TTC39B: variants seen among roughly 807,000 people sequenced by gnomAD.
TTC39B encodes tetratricopeptide repeat domain 39B, also known as tetratricopeptide repeat protein 39B.
A neutral mutation model predicts 96.6 loss-of-function variants in TTC39B; 92 were observed. The ratio of observed to expected loss-of-function variants is 0.95; its 90% CI spans 0.80 to 1.13. The LOEUF is 1.13. Ranked by LOEUF, TTC39B falls within the 50% of genes most tolerant of loss-of-function variation. The pLI is 0.00. For missense variants in TTC39B, 955 were observed against 809.3 expected (o/e 1.18, Z -2.18); for synonymous variants, 367 against 299.4 (o/e 1.23, Z -2.33).
intron 3 of TTC39B, among the ~76,000 whole-genome samples, chr9:15,215,761 G>A (rs1442835522): frequency 3.9e-5 from 6 of 152,014 alleles, no homozygotes; most frequent in Non-Finnish European, 8.8e-5. Flanking sequence ...CTACTCAGGA[G>A]GCTGAGGCAG....
intron 6 of TTC39B, among the ~76,000 whole-genome samples, chr9:15,209,203 C>G (rs1292620231): frequency 6.6e-6 from 1 of 151,856 alleles, no homozygotes; most frequent in African/African-American, 2.4e-5. Context: ...ATGCTCCTTT[C>G]TTGTAAACTA....
intron 2 of TTC39B, among the ~76,000 whole-genome samples, chr9:15,232,808 G>A (rs965786071): frequency 2.0e-5 from 3 of 152,188 alleles, no homozygotes; most frequent in African/African-American, 4.8e-5. Context: ...GGCTAACGGC[G>A]ACGTAGCTGG....
intron 1 of TTC39B, among the ~76,000 whole-genome samples, chr9:15,302,975 C>G (rs1162561640): frequency 6.6e-6 from 1 of 152,202 alleles, no homozygotes; most frequent in Admixed American, 6.5e-5. Flanking sequence ...CGAGACCATC[C>G]TGGCCAACAT....
intron 1 of TTC39B, among the ~76,000 whole-genome samples, chr9:15,304,225 C>A (rs938681506): frequency 1.3e-5 from 2 of 152,182 alleles, no homozygotes; most frequent in Non-Finnish European, 2.9e-5. Flanking sequence ...ACAGCCATCT[C>A]TACGTTATAA....
chr9:15,208,236 G>C (rs978141739), intron 6 of TTC39B, among the ~76,000 whole-genome samples: 2 of 151,588 alleles, frequency 1.3e-5, no homozygotes, highest in African/African-American at 4.8e-5. Flanking sequence ...TGTTGGCCAG[G>C]CTCGTCTGTA....
At chr9:15,233,962 C>A (rs1460812081) in intron 2 of TTC39B, among the ~76,000 whole-genome samples, 3 of 151,526 alleles carry the variant, frequency 2.0e-5, no homozygotes, top group Admixed American at 6.6e-5. Flanking sequence ...AGCGTCTCTG[C>A]CCCGCCGCCC....
intron 2 of TTC39B, among the ~76,000 whole-genome samples, chr9:15,266,695 T>C (rs1343001010): frequency 1.3e-5 from 2 of 152,096 alleles, no homozygotes; most frequent in Non-Finnish European, 2.9e-5. Flanking sequence ...CCCAATGTGA[T>C]GGAATTTAAA....
At chr9:15,199,539 T>C (rs4741476) in intron 8 of TTC39B, among the ~76,000 whole-genome samples, 98,635 of 150,632 alleles carry the variant, frequency 0.65, 32,709 homozygotes, top group East Asian at 0.88. Context: ...ATCGAGACCA[T>C]CCTGACTAAC....
intron 7 of TTC39B, among the ~76,000 whole-genome samples, chr9:15,203,464 T>C (rs1819661466): frequency 6.6e-6 from 1 of 151,666 alleles, no homozygotes; most frequent in African/African-American, 2.4e-5. Flanking sequence ...TTTCACCATG[T>C]TGGCCAGGCT....
chr9:15,292,293 G>C (rs1294098106), intron 1 of TTC39B, among the ~76,000 whole-genome samples: 2 of 152,180 alleles, frequency 1.3e-5, no homozygotes, highest in Non-Finnish European at 2.9e-5. Flanking sequence ...TTGGAGTGGA[G>C]CTAAAAAGTT....
At chr9:15,263,627 G>A (rs78248205) in intron 2 of TTC39B, among the ~76,000 whole-genome samples, 5,113 of 152,230 alleles carry the variant, frequency 0.034, 115 homozygotes, top group Non-Finnish European at 0.047. Flanking sequence ...CTCTCAGAAC[G>A]CTGTAAGGCA....
At chr9:15,176,539 C>T (rs1453306552) in intron 18 of TTC39B, among the ~76,000 whole-genome samples, 2 of 152,158 alleles carry the variant, frequency 1.3e-5, no homozygotes, top group South Asian at 2.1e-4. Flanking sequence ...TGACACAGAG[C>T]ACAGGATGTC....
intron 2 of TTC39B, among the ~76,000 whole-genome samples, chr9:15,227,932 T>C (rs150429384): frequency 6.6e-6 from 1 of 152,338 alleles, no homozygotes; most frequent in East Asian, 1.9e-4. Context: ...ACAAAGATTA[T>C]ATAACATAGT....
At chr9:15,190,479 G>T in intron 11 of TTC39B, 75 bp downstream of exon 11, 3 of 1,330,542 alleles carry the variant, frequency 2.3e-6, no homozygotes, top group South Asian at 1.2e-5. Context: ...CCAAGTAGTT[G>T]GGATTACAGG....
intron 6 of TTC39B, among the ~76,000 whole-genome samples, chr9:15,204,646 A>T (rs918284421): frequency 5.9e-5 from 9 of 152,336 alleles, no homozygotes; most frequent in Admixed American, 1.3e-4. Flanking sequence ...CACTAACCAG[A>T]CACATTAGCT....
At chr9:15,298,681 G>A (rs1053303437) in intron 1 of TTC39B, among the ~76,000 whole-genome samples, 1 of 152,162 alleles carries the variant, frequency 6.6e-6, no homozygotes, top group Non-Finnish European at 1.5e-5. Context: ...CTCAAGATGA[G>A]ATGTGGGTGG....
intron 2 of TTC39B, among the ~76,000 whole-genome samples, chr9:15,228,248 G>C (rs1005826044): frequency 1.1e-4 from 16 of 152,148 alleles, no homozygotes; most frequent in African/African-American, 3.9e-4. Flanking sequence ...CAGATCACTT[G>C]AGGTCAGGAG....
rs531389792 is a variant in TTC39B, at chr9:15,183,333, A to T, written c.1615-918T>A. 4.2e-5 allele frequency: 18 copies of T among 431,302 alleles called. 1 individual carries two copies. Among genetic ancestry groups the T allele is most frequent in the South Asian group, 2.7e-4 (16 of 58,964 alleles). The allele number at this position is 431,302 out of a possible 1,614,324, so 26.7% of individuals were successfully genotyped here. A position where few individuals can be genotyped will look rare whatever the true frequency, so the allele number is the denominator to read the frequency against. ...TAATAGAGCAAGAGTTCAATTCAAT[A>T]ACAGAATCTTTTTTAAATTGATGAT... On this transcript the variant is annotated intron_variant, in intron 16 of 19. Coordinates refer to ENST00000512701, the Ensembl canonical transcript of TTC39B.
intron 2 of TTC39B, among the ~76,000 whole-genome samples, chr9:15,255,157 C>T (rs1461328342): frequency 3.3e-5 from 5 of 151,984 alleles, no homozygotes; most frequent in Non-Finnish European, 1.5e-5. Flanking sequence ...ATAGAAATTA[C>T]TTTATACAAT....
Sources: gnomAD v4.1 joint callset for allele counts (sites outside exome capture counted in the v4.1 genomes callset) on GRCh38, gnomAD v4.1.1 for gene constraint, MANE v1.5 for transcripts, NCBI Gene and HGNC (gene_info 2026-07-23, HGNC 2026-07-21) for gene names.